DISP1: variants seen among roughly 807,000 people sequenced by gnomAD.
The protein encoded by DISP1 is protein dispatched homolog 1.
In DISP1, 30 loss-of-function variants were observed where a neutral mutation model predicts 37.3. That is an observed-to-expected ratio of 0.80 (90% CI 0.60 to 1.09). The LOEUF (loss-of-function observed/expected upper bound fraction) is 1.09, where lower values mean the gene tolerates loss of function less well. Ranked by LOEUF, DISP1 falls within the 50% of genes least tolerant of loss-of-function variation. The pLI is 0.00. For synonymous variants in DISP1, 634 were observed against 690.2 expected, an observed-to-expected ratio of 0.92 and a Z score of 1.28; for missense variants, 1,598 against 1,879.5, an observed-to-expected ratio of 0.85 and a Z score of 2.77.
chr1:222,816,192 T>A (rs1027878507), intron 1 of DISP1, among the ~76,000 whole-genome samples: 1 of 151,860 alleles, frequency 6.6e-6, no homozygotes, highest in African/African-American at 2.4e-5. Context: ...TTTTCCCCAG[T>A]GGCCAGTGTT....
At chr1:222,989,600 G>T (rs1416692) in intron 4 of DISP1, 1 of 981,518 alleles carries the variant, frequency 1.0e-6, no homozygotes, top group East Asian at 1.1e-4. Context: ...AGACAGTTCT[G>T]CACATGTGGG....
intron 1 of DISP1, chr1:222,835,026 A>AT (rs1299445981): frequency 6.6e-6 from 1 of 152,160 alleles, no homozygotes; most frequent in Non-Finnish European, 1.5e-5. Flanking sequence ...AGTAAGTACT[A>AT]TTGATATAGT....
intron 1 of DISP1, among the ~76,000 whole-genome samples, chr1:222,852,355 T>C: frequency 6.6e-6 from 1 of 151,738 alleles, no homozygotes; most frequent in Non-Finnish European, 1.5e-5. Flanking sequence ...TGTTTTTTGG[T>C]GGTTTTTTTG....
At chr1:222,819,211 G>C (rs1489801663) in intron 1 of DISP1, among the ~76,000 whole-genome samples, 2 of 152,142 alleles carry the variant, frequency 1.3e-5, no homozygotes, top group Non-Finnish European at 2.9e-5. Context: ...TTCGCCTTCT[G>C]CAATGATTGT....
At chr1:222,872,359 T>C (rs963450493) in intron 1 of DISP1, 8 of 152,248 alleles carry the variant, frequency 5.3e-5, no homozygotes, top group East Asian at 1.9e-4. Context: ...TCAGAAGGAA[T>C]GGTACCAGCT....
At chr1:222,984,255 A>C (rs2102705898) in intron 4 of DISP1, among the ~76,000 whole-genome samples, 1 of 151,646 alleles carries the variant, frequency 6.6e-6, no homozygotes, top group South Asian at 2.1e-4. Flanking sequence ...AAAATACAAA[A>C]AGTTAGCCAA....
At chr1:222,920,217 A>G (rs1182085773) in intron 1 of DISP1, among the ~76,000 whole-genome samples, 2 of 152,160 alleles carry the variant, frequency 1.3e-5, no homozygotes, top group African/African-American at 4.8e-5. Flanking sequence ...TACAACTGAA[A>G]CTGTTAAAGA....
rs1389471978 is a variant in DISP1 at position 223,002,234 on chromosome 1, A to G, written c.988-151A>G. The G allele has an allele frequency of 4.2e-5, 33 of 790,088 alleles. 2 individuals carry two copies. In the East Asian group the frequency reaches 7.6e-4, roughly 18 times the overall value. 48.9% of individuals were successfully genotyped at this position (790,088 alleles called of 1,614,324 possible). A position where few individuals can be genotyped will look rare whatever the true frequency, so the allele number is the denominator to read the frequency against. On this transcript the variant is annotated intron_variant, in intron 8 of 8. Transcript: ENST00000675850. ...CCATTTAGGGGAAATTTCACCCTGT[A>G]TTCAAACTGATTCCTAGTTTAAGTG...
At chr1:222,987,884 CT>C (rs146276843) in intron 4 of DISP1, among the ~76,000 whole-genome samples, 3,872 of 152,212 alleles carry the variant, frequency 0.025, 82 homozygotes, top group South Asian at 0.1. Context: ...GTAAAGGACT[CT>C]TTTTAAGTCT....
At chr1:222,942,368 G>C (rs1158036286) in intron 2 of DISP1, among the ~76,000 whole-genome samples, 4 of 152,096 alleles carry the variant, frequency 2.6e-5, no homozygotes, top group Admixed American at 2.0e-4. Flanking sequence ...CTTGTACAAT[G>C]AATTACCCTC....
chr1:222,938,957 T>G (rs1331951199), intron 2 of DISP1, among the ~76,000 whole-genome samples: 1 of 152,174 alleles, frequency 6.6e-6, no homozygotes, highest in Non-Finnish European at 1.5e-5. Flanking sequence ...TTTCTGTTTT[T>G]GCTTCTAAAT....
At position 223,004,746 on chromosome 1, in the gene DISP1, T is replaced by A. The variant is rs1679765919; in HGVS notation, c.3349T>A (p.Cys1117Ser). ...QLGTFMMLIM[C>S]ISWAFATFFF... is the part of the protein sequence containing the mutation. Reference sequence around the variant, plus strand: ...GGGCACCTTCATGATGCTCATCATGTGTATCAGTTGGGCTTTCGCCACCTT... The same window carrying A: ...GGGCACCTTCATGATGCTCATCATGAGTATCAGTTGGGCTTTCGCCACCTT... Residue 1117 changes from cysteine to serine, a missense_variant, in exon 9 of 9, where the codon TGT becomes AGT. Physicochemically the swap from Cys to Ser is moderately radical, Grantham distance 112. Transcript: ENST00000675850. This position sits in a 1 kb window ranked among gnomAD's most constrained non-coding sequence, Gnocchi z 4.9. 6.2e-7 allele frequency: 1 copy of A among 1,613,690 alleles called. No individual in the cohort carries two copies.
intron 1 of DISP1, among the ~76,000 whole-genome samples, chr1:222,866,148 T>G (rs551784122): frequency 6.6e-6 from 1 of 152,284 alleles, no homozygotes; most frequent in East Asian, 1.9e-4. Context: ...GCAGAGGAAC[T>G]GTTGGGGTAC....
chr1:222,855,021 G>T (rs1668473457), intron 1 of DISP1, among the ~76,000 whole-genome samples: 1 of 152,082 alleles, frequency 6.6e-6, no homozygotes, highest in Non-Finnish European at 1.5e-5. Context: ...TTGCCAAGAA[G>T]GGCAGGGGTC....
At chr1:222,954,188 A>G (rs890365506) in intron 3 of DISP1, among the ~76,000 whole-genome samples, 1 of 152,042 alleles carries the variant, frequency 6.6e-6, no homozygotes, top group Non-Finnish European at 1.5e-5. Flanking sequence ...GGAAAAAGGC[A>G]CTTGTGATCT....
chr1:222,936,059 T>C (rs1673705039), intron 2 of DISP1, among the ~76,000 whole-genome samples: 1 of 152,202 alleles, frequency 6.6e-6, no homozygotes, highest in Non-Finnish European at 1.5e-5. Context: ...CTTTTTTATG[T>C]TTAGATGTGT....
rs775695018 is a variant in DISP1 at position 223,004,643 on chromosome 1, G to A, written c.3246G>A (p.Ala1082=). 4.3e-6 allele frequency: 7 copies of A among 1,614,048 alleles called. No homozygotes were observed. The highest frequency in any genetic ancestry group is 1.1e-5 in the South Asian group (1 of 91,066). The change falls in exon 9 of 9, where the codon GCG becomes GCA. Residue 1082 remains alanine, a synonymous_variant. Coordinates refer to ENST00000675850, the MANE Select transcript of DISP1 (RefSeq NM_001377229.1). This position sits in a 1 kb window ranked among gnomAD's most constrained non-coding sequence, Gnocchi z 4.9. Reference sequence around the variant, plus strand: ...TCTCTCTGAGTCGCGTGGGCTCTGCGATGGCCATGGCTGCCCTGACCACCT... The same window carrying A: ...TCTCTCTGAGTCGCGTGGGCTCTGCAATGGCCATGGCTGCCCTGACCACCT... ...VIFSLSRVGS[A]MAMAALTTFV...
chr1:222,942,115 G>GA (rs35492569), intron 2 of DISP1, among the ~76,000 whole-genome samples: 1 of 150,716 alleles, frequency 6.6e-6, no homozygotes, highest in East Asian at 1.9e-4. Flanking sequence ...AAAAAAGTAA[G>GA]AAAAAAAACT....
intron 1 of DISP1, among the ~76,000 whole-genome samples, chr1:222,887,591 T>A (rs111919747): frequency 8.8e-6 from 1 of 113,540 alleles, no homozygotes; most frequent in Non-Finnish European, 1.9e-5. Context: ...CTCCGCTTCC[T>A]GGGTTCACGC....
Sources: allele counts gnomAD v4.1 joint callset (sites outside exome capture counted in the v4.1 genomes callset), GRCh38; gene constraint gnomAD v4.1.1; non-coding constraint Gnocchi (gnomAD v3.1); transcripts MANE v1.5; gene names NCBI Gene and HGNC (gene_info 2026-07-23, HGNC 2026-07-21).